The following C1QTNF2 variants were observed in gnomAD, a reference collection of about 807,000 sequenced individuals.
C1QTNF2 encodes C1q and TNF related 2.
In C1QTNF2, 15 loss-of-function variants were observed where a neutral mutation model predicts 17.4. That is an observed-to-expected ratio of 0.86 (90% CI 0.58 to 1.33). The LOEUF (loss-of-function observed/expected upper bound fraction) is 1.33, where lower values mean the gene tolerates loss of function less well. C1QTNF2 is among the 40% of genes most tolerant of loss of function. The pLI, the probability that C1QTNF2 is intolerant of heterozygous loss-of-function variation, is 0.00. For synonymous variants in C1QTNF2, 154 were observed against 163.3 expected, an observed-to-expected ratio of 0.94 and a Z score of 0.44; for missense variants, 381 against 392.3, an observed-to-expected ratio of 0.97 and a Z score of 0.24.
intron 2 of C1QTNF2, among the ~76,000 whole-genome samples, chr5:160,351,910 C>A (rs1160525696): frequency 7.3e-6 from 1 of 136,092 alleles, no homozygotes; most frequent in Non-Finnish European, 1.6e-5. Flanking sequence ...GAGACAGAAT[C>A]TTTTTTTTTT....
intron 1 of C1QTNF2, among the ~76,000 whole-genome samples, chr5:160,368,461 G>A (rs1764285993): frequency 6.6e-6 from 1 of 151,656 alleles, no homozygotes; most frequent in Non-Finnish European, 1.5e-5. Context: ...GAACCCAGGA[G>A]GCGGAGATTG....
intron 1 of C1QTNF2, among the ~76,000 whole-genome samples, chr5:160,356,211 G>A (rs1764047854): frequency 6.6e-6 from 1 of 152,226 alleles, no homozygotes; most frequent in African/African-American, 2.4e-5. Context: ...ATGAAACCAG[G>A]AGGGGGAACA....
intron 1 of C1QTNF2, among the ~76,000 whole-genome samples, chr5:160,362,931 A>C (rs138640447): frequency 6.6e-6 from 1 of 152,354 alleles, no homozygotes; most frequent in East Asian, 1.9e-4. Flanking sequence ...TTGAAAACAA[A>C]ACGTGATACA....
rs1407136814 is a variant in C1QTNF2 at position 160,347,776 on chromosome 5, T to G, written c.*1392A>C. 2.0e-5 allele frequency: 3 copies of G among 151,484 alleles called. No individual in the cohort carries two copies. The highest frequency in any genetic ancestry group is 7.3e-5 in the African/African-American group (3 of 41,258). 9.4% of individuals were successfully genotyped at this position (151,484 alleles called of 1,614,324 possible). ...TTGTTTTTTTTTTTTTTTTGTTTTT[T>G]TTTGAGATAGTCTCACTCTGTTGCC... On this transcript the variant is annotated 3_prime_UTR_variant, in exon 3 of 3. Coordinates refer to ENST00000652664, the MANE Select transcript of C1QTNF2 (RefSeq NM_031908.6).
intron 1 of C1QTNF2, among the ~76,000 whole-genome samples, chr5:160,359,671 C>A (rs1020611415): frequency 6.6e-6 from 1 of 152,200 alleles, no homozygotes; most frequent in African/African-American, 2.4e-5. Context: ...GAGAGGCCCA[C>A]ACTTGGATTA....
chr5:160,370,615 G>A lies in C1QTNF2; in HGVS notation c.-113C>T. The A allele has an allele frequency of 2.8e-6, 4 of 1,445,824 alleles. No individual in the cohort carries two copies. The highest frequency in any genetic ancestry group is 1.8e-4 in the Middle Eastern group (1 of 5,440). The allele number at this position is 1,445,824 out of a possible 1,614,324, so 89.6% of individuals were successfully genotyped here. A position where few individuals can be genotyped will look rare whatever the true frequency, so the allele number is the denominator to read the frequency against. ...AGCGGCAGCAGCCGGGCAGAGCGTCGGCCCCAGGCATAGTTTTCCCATCCC... is the reference window on the plus strand; with the variant it reads ...AGCGGCAGCAGCCGGGCAGAGCGTCAGCCCCAGGCATAGTTTTCCCATCCC... On this transcript the variant is annotated 5_prime_UTR_variant, in exon 1 of 3. Coordinates refer to ENST00000652664, the MANE Select transcript of C1QTNF2 (RefSeq NM_031908.6).
At chr5:160,360,337 C>T (rs1455429847) in intron 1 of C1QTNF2, among the ~76,000 whole-genome samples, 1 of 152,236 alleles carries the variant, frequency 6.6e-6, no homozygotes, top group East Asian at 1.9e-4. Context: ...GTTGGAGACG[C>T]AGACTCTGCC....
At position 160,369,396 on chromosome 5, in the gene C1QTNF2, G is replaced by A. The variant is rs534206534; in HGVS notation, c.-10+1116C>T. On this transcript the variant is annotated intron_variant, in intron 1 of 2. Transcript: ENST00000652664. Reference sequence around the variant, plus strand: ...ATCTGATGTGTTACAATGAAGGGCTGTAGTGATGCTTGGAAATGTGTGGAG... The same window carrying A: ...ATCTGATGTGTTACAATGAAGGGCTATAGTGATGCTTGGAAATGTGTGGAG... 1.9e-3 allele frequency among the ~76,000 whole-genome samples: 283 copies of A among 152,326 alleles called. 3 individuals carry two copies. The highest frequency in any genetic ancestry group is 6.5e-3 in the African/African-American group (269 of 41,570).
chr5:160,348,941 T>A lies in C1QTNF2; in HGVS notation c.*227A>T. The A allele has an allele frequency of 1.9e-6, 1 of 535,304 alleles. No individual in the cohort carries two copies. Among genetic ancestry groups the A allele is most frequent in the Non-Finnish European group, 3.3e-6 (1 of 307,508 alleles). The allele number at this position is 535,304 out of a possible 1,614,324, so 33.2% of individuals were successfully genotyped here. On this transcript the variant is annotated 3_prime_UTR_variant, in exon 3 of 3. Coordinates refer to ENST00000652664, the MANE Select transcript of C1QTNF2 (RefSeq NM_031908.6). The stretch of plus-strand genomic sequence containing the variant: ...CTGCTGCATCTTTCAGAGAATAGCA[T>A]AGTGCCTGTTACACAGTAGATACTT...
chr5:160,362,457 C>T (rs1023896298), intron 1 of C1QTNF2, among the ~76,000 whole-genome samples: 1 of 152,218 alleles, frequency 6.6e-6, no homozygotes, highest in Non-Finnish European at 1.5e-5. Flanking sequence ...TTCTGCCCAA[C>T]TCTCTCTTGA....
intron 1 of C1QTNF2, among the ~76,000 whole-genome samples, chr5:160,365,972 T>C (rs1483644212): frequency 6.6e-6 from 1 of 152,114 alleles, no homozygotes; most frequent in African/African-American, 2.4e-5. Flanking sequence ...TTAATTTCCA[T>C]AGATTATTGG....
At chr5:160,360,783 A>C (rs1453692403) in intron 1 of C1QTNF2, among the ~76,000 whole-genome samples, 2 of 151,218 alleles carry the variant, frequency 1.3e-5, no homozygotes, top group Non-Finnish European at 2.9e-5. Flanking sequence ...GGGTTGATAA[A>C]CTTGGATGAG....
At chr5:160,369,053 T>C (rs1265971206) in intron 1 of C1QTNF2, among the ~76,000 whole-genome samples, 1 of 64,588 alleles carries the variant, frequency 1.5e-5, no homozygotes, top group East Asian at 3.8e-4. Context: ...ATGCTTCTCT[T>C]TGAGTTTAAA....
In C1QTNF2 at chr5:160,349,177, G is replaced by T. The variant is rs773134321; in HGVS notation, c.849C>A (p.Asn283Lys). ...FLIYADQDDP[N>K]EV is the part of the protein sequence containing the mutation. ...GACCGCCGTGGCATGTCTATACCTCGTTGGGGTCATCCTGGTCGGCATAGA... is the reference window on the plus strand; with the variant it reads ...GACCGCCGTGGCATGTCTATACCTCTTTGGGGTCATCCTGGTCGGCATAGA... The change falls in exon 3 of 3, where the codon AAC (asparagine) becomes AAA (lysine). Residue 283 changes from asparagine (N) to lysine (K), a missense_variant. Coordinates refer to ENST00000652664, the MANE Select transcript of C1QTNF2 (RefSeq NM_031908.6). The surrounding 1 kb of genome is among the most constrained non-coding windows in gnomAD (Gnocchi z 4.3). The T allele has an allele frequency of 6.2e-7, 1 of 1,612,576 alleles. No homozygotes were observed. The highest frequency in any genetic ancestry group is 1.7e-5 in the Admixed American group (1 of 59,908).
intron 1 of C1QTNF2, among the ~76,000 whole-genome samples, chr5:160,361,797 C>T (rs1440265399): frequency 1.3e-5 from 2 of 152,214 alleles, no homozygotes; most frequent in Non-Finnish European, 2.9e-5. Flanking sequence ...CATATCATCT[C>T]CTCAGAGAGA....
rs1271114115 is a variant in C1QTNF2 at position 160,354,923 on chromosome 5, C to A, written c.89G>T (p.Gly30Val). ...CAGGCTGCAGACCAGTTGAGGGGAG[C>A]CTTTCCGGAAGTCCCTGCGAGCAAA... ...GAFARRDFRKGSPQLVCSLPG... is the reference protein window; with the variant it reads ...GAFARRDFRKVSPQLVCSLPG... The change falls in exon 2 of 3, where the codon GGC (glycine) becomes GTC (valine). Residue 30 changes from glycine to valine, a missense_variant. Physicochemically the swap from Gly to Val is moderately radical, Grantham distance 109. Transcript: ENST00000652664. The A allele has an allele frequency of 3.8e-6, 6 of 1,597,974 alleles. No homozygotes were observed. Among genetic ancestry groups the A allele is most frequent in the Non-Finnish European group, 5.1e-6 (6 of 1,172,806 alleles).
At chr5:160,360,376 C>T (rs751520044) in intron 1 of C1QTNF2, among the ~76,000 whole-genome samples, 1 of 152,226 alleles carries the variant, frequency 6.6e-6, no homozygotes, top group Non-Finnish European at 1.5e-5. Flanking sequence ...GAAGAGAAAA[C>T]CAGACAGTGG....
chr5:160,369,817 A>G (rs1362137994), intron 1 of C1QTNF2, among the ~76,000 whole-genome samples: 3 of 152,202 alleles, frequency 2.0e-5, no homozygotes. Context: ...GCGAGGTCCT[A>G]GAATGGGGCA....
chr5:160,360,381 C>CAGTG (rs1233394632), intron 1 of C1QTNF2, among the ~76,000 whole-genome samples: 4 of 152,126 alleles, frequency 2.6e-5, no homozygotes, highest in African/African-American at 9.7e-5. Context: ...GAAAACCAGA[C>CAGTG]AGTGGCTGAA....
Sources: gnomAD v4.1 joint callset for allele counts (sites outside exome capture counted in the v4.1 genomes callset) on GRCh38, gnomAD v4.1.1 for gene constraint, Gnocchi (gnomAD v3.1) non-coding constraint, MANE v1.5 for transcripts, NCBI Gene and HGNC (gene_info 2026-07-23, HGNC 2026-07-21) for gene names.